KCNQ1: variants seen among roughly 807,000 people sequenced by gnomAD.
KCNQ1 encodes potassium voltage-gated channel subfamily KQT member 1.
In KCNQ1, 49 loss-of-function variants were observed where a neutral mutation model predicts 72.4. The observed-to-expected ratio is 0.68, with a 90% confidence interval of 0.54 to 0.86. KCNQ1 has a LOEUF of 0.86. Among genes scored for constraint, KCNQ1 ranks in the 40% least tolerant of loss-of-function variants. KCNQ1 has a pLI of 0.00. For synonymous variants in KCNQ1, 450 were observed against 412.6 expected (o/e 1.09, Z -1.10); for missense variants, 790 against 945.1 (o/e 0.84, Z 2.15).
At chr11:2,733,812 A>T (rs61870827) in intron 11 of KCNQ1, among the ~76,000 whole-genome samples, 47,162 of 87,124 alleles carry the variant, frequency 0.54, 11,556 homozygotes, top group Middle Eastern at 0.66. Context: ...ACACACACAC[A>T]CACTCTCTCA....
At chr11:2,707,897 G>A (rs1454232596) in intron 11 of KCNQ1, among the ~76,000 whole-genome samples, 1 of 152,228 alleles carries the variant, frequency 6.6e-6, no homozygotes, top group Non-Finnish European at 1.5e-5. Flanking sequence ...GGGGGACAGG[G>A]CAGGTGTGCC....
Position 2,471,897 on chromosome 11 carries a change from T to A in KCNQ1, c.386+26413T>A, listed in dbSNP as rs1344106355. Among the ~76,000 whole-genome samples the A allele has an allele frequency of 6.6e-6, 1 of 151,774 alleles. No individual in the cohort carries two copies. The highest frequency in any genetic ancestry group is 1.5e-5 in the Non-Finnish European group (1 of 67,924). ...GTGTGTGTGCACATGTGTATAGGTG[T>A]GTGTATGCGTGCACCTATGTGTGTA... On this transcript the variant is annotated intron_variant, in intron 1 of 15. Transcript: ENST00000155840. This position sits in a 1 kb window ranked among gnomAD's most constrained non-coding sequence, Gnocchi z 4.8.
At chr11:2,582,412 C>A (rs1424551305) in intron 6 of KCNQ1, among the ~76,000 whole-genome samples, 1 of 152,238 alleles carries the variant, frequency 6.6e-6, no homozygotes, top group Non-Finnish European at 1.5e-5. Context: ...CTCAGGCCTT[C>A]CTGCCATCAG....
rs1390522388 is a variant in KCNQ1 at position 2,488,873 on chromosome 11, T to C, written c.387-39055T>C. Among the ~76,000 whole-genome samples, 2 of 151,584 alleles carry C rather than the reference T, an allele frequency of 1.3e-5. No homozygotes were observed. The highest frequency in any genetic ancestry group is 3.0e-5 in the Non-Finnish European group (2 of 67,678). On this transcript the variant is annotated intron_variant, in intron 1 of 15. Transcript: ENST00000155840. The surrounding 1 kb of genome is among the most constrained non-coding windows in gnomAD (Gnocchi z 5.1). ...GTCTCTGCTGTGGTATTTATTATCT[T>C]CTTTCTTCTGCTAGCTTTGGGTTTA...
At chr11:2,845,129 C>T (rs1245153607) in intron 15 of KCNQ1, among the ~76,000 whole-genome samples, 1 of 152,220 alleles carries the variant, frequency 6.6e-6, no homozygotes, top group African/African-American at 2.4e-5. Flanking sequence ...AGGGCTGGTC[C>T]TGCCGGCAGC....
chr11:2,640,880 A>T (rs998400543), intron 10 of KCNQ1: 5 of 399,490 alleles, frequency 1.3e-5, no homozygotes, highest in Non-Finnish European at 1.3e-5. Context: ...CTCTACCTCC[A>T]TGAGATCAAC....
chr11:2,511,730 C>T (rs542139577), intron 1 of KCNQ1, among the ~76,000 whole-genome samples: 32 of 152,360 alleles, frequency 2.1e-4, no homozygotes, highest in Non-Finnish European at 4.3e-4. Flanking sequence ...ATGAGTGACT[C>T]CTGGATTTGG....
chr11:2,617,406 C>T lies in KCNQ1; in HGVS notation c.1393+28552C>T, dbSNP rs1589983967. 2.5e-6 allele frequency: 1 copy of T among 398,288 alleles called. No individual in the cohort carries two copies. Among genetic ancestry groups the T allele is most frequent in the South Asian group, 1.3e-4 (1 of 7,858 alleles). 24.7% of individuals were successfully genotyped at this position (398,288 alleles called of 1,614,324 possible). A position where few individuals can be genotyped will look rare whatever the true frequency, so the allele number is the denominator to read the frequency against. ...ATCCATGTGGCAAGTGGCAGGATCT[C>T]CTTTTTTAATGCGGAATAATATTCC... On this transcript the variant is annotated intron_variant, in intron 10 of 15. Coordinates refer to ENST00000155840, the MANE Select transcript of KCNQ1 (RefSeq NM_000218.3). This position sits in a 1 kb window ranked among gnomAD's most constrained non-coding sequence, Gnocchi z 4.6.
chr11:2,644,140 G>C (rs936932865), intron 10 of KCNQ1: 2 of 398,380 alleles, frequency 5.0e-6, no homozygotes, highest in Admixed American at 8.8e-5. Context: ...TAAATCTCTT[G>C]GGAGATTGGG....
Position 2,562,347 on chromosome 11 carries a change from C to T in KCNQ1, c.478-8281C>T, listed in dbSNP as rs367656766. On this transcript the variant is annotated intron_variant, in intron 2 of 15. Coordinates refer to ENST00000155840, the MANE Select transcript of KCNQ1 (RefSeq NM_000218.3). This position sits in a 1 kb window ranked among gnomAD's most constrained non-coding sequence, Gnocchi z 7.5. ...CACAGGCAGGCCCTGGGACAAAGGG[C>T]GCTTTGAGCTGCCTGAGTGCCTGCA... 8.5e-5 allele frequency among the ~76,000 whole-genome samples: 13 copies of T among 152,152 alleles called. No individual in the cohort carries two copies. Among genetic ancestry groups the T allele is most frequent in the African/African-American group, 1.9e-4 (8 of 41,448 alleles).
intron 11 of KCNQ1, among the ~76,000 whole-genome samples, chr11:2,733,814 A>ACACACACT: frequency 1.5e-4 from 13 of 86,596 alleles, no homozygotes; most frequent in East Asian, 9.6e-4. Context: ...ACACACACAC[A>ACACACACT]CTCTCTCACT....
At chr11:2,697,229 T>A (rs1329785697) in intron 11 of KCNQ1, 1 of 398,494 alleles carries the variant, frequency 2.5e-6, no homozygotes. Context: ...ACAGATAGAA[T>A]CTCTATCAAG....
In KCNQ1 at chr11:2,682,354, G is replaced by C. The variant is rs1430381129; in HGVS notation, c.1514+20273G>C. The C allele has an allele frequency of 5.0e-6, 2 of 398,512 alleles. No individual in the cohort carries two copies. The highest frequency in any genetic ancestry group is 4.1e-5 in the African/African-American group (2 of 48,622). 24.7% of individuals were successfully genotyped at this position (398,512 alleles called of 1,614,324 possible). On this transcript the variant is annotated intron_variant, in intron 11 of 15. Coordinates refer to ENST00000155840, the MANE Select transcript of KCNQ1 (RefSeq NM_000218.3). This position sits in a 1 kb window ranked among gnomAD's most constrained non-coding sequence, Gnocchi z 5.8. The stretch of plus-strand genomic sequence containing the variant: ...TTTATTTGTGGTAAAGGGTTTACTG[G>C]CTGGCTCCTTCTATCACATTCAAGG...
At chr11:2,742,926 G>A (rs558144051) in intron 11 of KCNQ1, among the ~76,000 whole-genome samples, 2 of 152,210 alleles carry the variant, frequency 1.3e-5, no homozygotes, top group Non-Finnish European at 2.9e-5. Context: ...AGACTGGACC[G>A]AGAGGCCACG....
Position 2,733,774 on chromosome 11 carries a change from C to CACACACACA in KCNQ1, c.1515-35070_1515-35069insACACACACA, listed in dbSNP as rs1845891956. Among the ~76,000 whole-genome samples the CACACACACA allele has an allele frequency of 2.0e-3, 113 of 57,564 alleles. 5 individuals are homozygous for CACACACACA. Among genetic ancestry groups the CACACACACA allele is most frequent in the African/African-American group, 5.9e-3 (90 of 15,302 alleles). The allele number at this position is 57,564 out of a possible 152,430, so 37.8% of individuals were successfully genotyped here. On this transcript the variant is annotated intron_variant, in intron 11 of 15. Transcript: ENST00000155840. The stretch of plus-strand genomic sequence containing the variant: ...GGGCAGGAGGGGGACTTCAGGCCTT[C>CACACACACA]CACACACACACACACACACACACAC...
intron 15 of KCNQ1, among the ~76,000 whole-genome samples, chr11:2,794,430 T>C (rs752630940): frequency 1.5e-4 from 22 of 151,412 alleles, no homozygotes; most frequent in Admixed American, 2.6e-4. Context: ...AGAGATCAAG[T>C]GGAAAAGAAA....
chr11:2,578,534 T>A (rs576200149), intron 6 of KCNQ1, among the ~76,000 whole-genome samples: 2 of 152,346 alleles, frequency 1.3e-5, no homozygotes, highest in South Asian at 4.1e-4. Context: ...ATGGGCTTCC[T>A]TCCAAGCCCT....
chr11:2,499,981 A>G (rs917906214), intron 1 of KCNQ1, among the ~76,000 whole-genome samples: 2 of 152,248 alleles, frequency 1.3e-5, no homozygotes, highest in African/African-American at 2.4e-5. Context: ...TTCTCTGACC[A>G]GTACAGAATA....
chr11:2,845,845 G>A (rs943373075), intron 15 of KCNQ1, among the ~76,000 whole-genome samples: 1 of 152,140 alleles, frequency 6.6e-6, no homozygotes, highest in African/African-American at 2.4e-5. Context: ...CACTCAGGCA[G>A]GCGCCCCCCT....
Sources: allele counts gnomAD v4.1 joint callset (sites outside exome capture counted in the v4.1 genomes callset), GRCh38; gene constraint gnomAD v4.1.1; non-coding constraint Gnocchi (gnomAD v3.1); transcripts MANE v1.5; gene names NCBI Gene and HGNC (gene_info 2026-07-23, HGNC 2026-07-21).